Variants in ATG5 observed in about 807,000 individuals in gnomAD.
ATG5 encodes autophagy protein 5.
Under a neutral mutation model 36.5 loss-of-function variants are expected in ATG5, and 14 were observed. That is an observed-to-expected ratio of 0.38 (90% confidence interval 0.25 to 0.60). ATG5 has a LOEUF of 0.60. ATG5 is among the 20% of genes least tolerant of loss of function. The pLI, the probability that ATG5 is intolerant of heterozygous loss-of-function variation, is 0.60. For missense variants in ATG5, 195 were observed against 326.7 expected (o/e 0.60, Z 3.11); for synonymous variants, 95 against 101.5 (o/e 0.94, Z 0.38).
At chr6:106,228,694 G>A (rs1185144250) in intron 6 of ATG5, among the ~76,000 whole-genome samples, 7 of 152,122 alleles carry the variant, frequency 4.6e-5, no homozygotes, top group Admixed American at 2.0e-4. Flanking sequence ...TCTCCAAAGC[G>A]GTAATATTGG....
intron 5 of ATG5, among the ~76,000 whole-genome samples, chr6:106,277,885 A>AT (rs796574553): frequency 1.8e-4 from 27 of 152,338 alleles, no homozygotes; most frequent in African/African-American, 6.5e-4. Context: ...CCTAATATTT[A>AT]TTTAGTACTT....
chr6:106,317,287 A>G (rs1255823583), intron 1 of ATG5, among the ~76,000 whole-genome samples: 1 of 152,226 alleles, frequency 6.6e-6, no homozygotes, highest in East Asian at 1.9e-4. Flanking sequence ...CTCATCTTTG[A>G]TAGGCAGCTA....
At chr6:106,211,775 AT>A (rs1394193510) in intron 6 of ATG5, among the ~76,000 whole-genome samples, 1 of 152,230 alleles carries the variant, frequency 6.6e-6, no homozygotes, top group African/African-American at 2.4e-5. Flanking sequence ...TGAGGCTTAG[AT>A]GGACATTCTA....
chr6:106,206,516 T>G (rs2114374051), intron 6 of ATG5, among the ~76,000 whole-genome samples: 1 of 151,990 alleles, frequency 6.6e-6, no homozygotes, highest in South Asian at 2.1e-4. Flanking sequence ...TGGGCATAGT[T>G]GTGGGCGCCT....
At chr6:106,210,916 A>G (rs1776827674) in intron 6 of ATG5, among the ~76,000 whole-genome samples, 3 of 152,244 alleles carry the variant, frequency 2.0e-5, no homozygotes, top group African/African-American at 7.2e-5. Context: ...ACAGAACTCT[A>G]CTGAATTCTA....
chr6:106,215,165 G>A (rs1305994579), intron 6 of ATG5, among the ~76,000 whole-genome samples: 2 of 152,134 alleles, frequency 1.3e-5, no homozygotes, highest in East Asian at 3.8e-4. Context: ...AAATAATTAA[G>A]AAACACTTTT....
At chr6:106,235,175 T>C (rs1351546365) in intron 6 of ATG5, among the ~76,000 whole-genome samples, 1 of 152,168 alleles carries the variant, frequency 6.6e-6, no homozygotes, top group African/African-American at 2.4e-5. Context: ...AGCTCTAATA[T>C]TGATACTCCT....
chr6:106,251,074 T>C (rs1158741006), intron 5 of ATG5, among the ~76,000 whole-genome samples: 1 of 152,250 alleles, frequency 6.6e-6, no homozygotes, highest in African/African-American at 2.4e-5. Flanking sequence ...AAAGGCTTCC[T>C]GCTTGCATAG....
intron 6 of ATG5, among the ~76,000 whole-genome samples, chr6:106,236,151 T>C (rs1777895928): frequency 6.6e-6 from 1 of 152,266 alleles, no homozygotes; most frequent in Non-Finnish European, 1.5e-5. Flanking sequence ...TTCTGTGACA[T>C]TTATCCATAT....
chr6:106,272,673 G>A (rs565743777), intron 5 of ATG5, among the ~76,000 whole-genome samples: 2 of 152,324 alleles, frequency 1.3e-5, no homozygotes, highest in South Asian at 4.1e-4. Context: ...GATCGTGCCT[G>A]TCATATTTAC....
intron 3 of ATG5, among the ~76,000 whole-genome samples, chr6:106,301,340 ATTT>A (rs1460935851): frequency 6.6e-6 from 1 of 152,080 alleles, no homozygotes; most frequent in African/African-American, 2.4e-5. Flanking sequence ...CTGTTCTTAA[ATTT>A]TTTTAATTCT....
intron 6 of ATG5, among the ~76,000 whole-genome samples, chr6:106,231,998 G>A (rs768284137): frequency 5.9e-5 from 9 of 152,114 alleles, no homozygotes; most frequent in South Asian, 2.1e-4. Flanking sequence ...GAAATAAGCC[G>A]CCCCCTCGTC....
intron 6 of ATG5, among the ~76,000 whole-genome samples, chr6:106,207,331 T>C (rs541863793): frequency 2.6e-5 from 4 of 152,290 alleles, no homozygotes; most frequent in African/African-American, 9.6e-5. Flanking sequence ...AAACGAAACT[T>C]ATAAACATTT....
intron 4 of ATG5, among the ~76,000 whole-genome samples, chr6:106,280,145 G>A (rs1424538334): frequency 6.6e-6 from 1 of 151,518 alleles, no homozygotes; most frequent in Non-Finnish European, 1.5e-5. Context: ...ACTACTAACA[G>A]AAATGTAAAA....
intron 2 of ATG5, among the ~76,000 whole-genome samples, chr6:106,311,478 G>C (rs1481673138): frequency 6.6e-6 from 1 of 152,158 alleles, no homozygotes; most frequent in East Asian, 1.9e-4. Context: ...GTGTAGGTAT[G>C]GGAGATACCT....
At chr6:106,188,643 C>G (rs994991101) in intron 7 of ATG5, among the ~76,000 whole-genome samples, 3 of 152,178 alleles carry the variant, frequency 2.0e-5, no homozygotes, top group Non-Finnish European at 4.4e-5. Context: ...ACAACAGAAG[C>G]TGGAGGACAA....
rs895462771 is a variant in ATG5 at position 106,184,476 on chromosome 6, T to G, written c.*2064A>C. ...GTTTTAAATAAAGACGGACACAACA[T>G]TTATTTAATTTTTTAATAAACCATA... is the stretch of plus-strand genomic sequence containing the variant. On this transcript the variant is annotated 3_prime_UTR_variant, in exon 8 of 8. Transcript: ENST00000369076. 2.0e-5 allele frequency: 3 copies of G among 152,184 alleles called. No homozygotes were observed. Among genetic ancestry groups the G allele is most frequent in the African/African-American group, 7.2e-5 (3 of 41,404 alleles). The allele number at this position is 152,184 out of a possible 1,614,324, so 9.4% of individuals were successfully genotyped here.
intron 6 of ATG5, among the ~76,000 whole-genome samples, chr6:106,207,834 C>T (rs1160213137): frequency 6.6e-6 from 1 of 152,166 alleles, no homozygotes; most frequent in East Asian, 1.9e-4. Context: ...TGGCTCATGC[C>T]TGTAATTCCA....
At chr6:106,273,021 TCTTA>T (rs1779512690) in intron 5 of ATG5, among the ~76,000 whole-genome samples, 1 of 152,336 alleles carries the variant, frequency 6.6e-6, no homozygotes, top group Admixed American at 6.5e-5. Context: ...TTTTCTTTGC[TCTTA>T]TTTATACAAT....
Sources: gnomAD v4.1 joint callset for allele counts (sites outside exome capture counted in the v4.1 genomes callset) on GRCh38, gnomAD v4.1.1 for gene constraint, MANE v1.5 for transcripts, NCBI Gene and HGNC (gene_info 2026-07-23, HGNC 2026-07-21) for gene names.